The following ACAP2 variants were observed in gnomAD, a reference collection of about 807,000 sequenced individuals.
ACAP2 encodes ArfGAP with coiled-coil, ankyrin repeat and PH domains 2, also known as arf-GAP with coiled-coil, ANK repeat and PH domain-containing protein 2.
A neutral mutation model predicts 115.8 loss-of-function variants in ACAP2; 39 were observed. The observed-to-expected ratio is 0.34, with a 90% confidence interval of 0.26 to 0.44. The LOEUF (loss-of-function observed/expected upper bound fraction) is 0.44. Ranked by LOEUF, ACAP2 falls within the 20% of genes least tolerant of loss-of-function variation. The pLI is 1.00. For synonymous variants in ACAP2, 289 were observed against 315.8 expected, an observed-to-expected ratio of 0.92 and a Z score of 0.90; for missense variants, 662 against 927.6, an observed-to-expected ratio of 0.71 and a Z score of 3.72.
chr3:195,430,051 A>C (rs1714999258), intron 1 of ACAP2, among the ~76,000 whole-genome samples: 1 of 152,216 alleles, frequency 6.6e-6, no homozygotes, highest in African/African-American at 2.4e-5. Flanking sequence ...CAGGAAAGCA[A>C]CAAATTCAGG....
At chr3:195,406,396 T>C (rs956950480) in intron 1 of ACAP2, among the ~76,000 whole-genome samples, 4 of 152,208 alleles carry the variant, frequency 2.6e-5, no homozygotes, top group African/African-American at 9.6e-5. Context: ...TCCACTGATT[T>C]ACCATGGCTA....
intron 1 of ACAP2, among the ~76,000 whole-genome samples, chr3:195,398,782 G>A (rs763794901): frequency 1.3e-5 from 2 of 152,062 alleles, no homozygotes; most frequent in Non-Finnish European, 2.9e-5. Context: ...GCTCCTACGT[G>A]CTCAAATTGA....
intron 4 of ACAP2, among the ~76,000 whole-genome samples, chr3:195,376,653 A>G (rs1418473654): frequency 2.6e-5 from 4 of 151,950 alleles, no homozygotes; most frequent in Non-Finnish European, 4.4e-5. Context: ...AAATAAATAA[A>G]TTACATGATA....
rs1435507485 is a variant in ACAP2, at chr3:195,289,268, T to C, written c.2064-37A>G. The C allele has an allele frequency of 4.8e-6, 7 of 1,463,640 alleles. No homozygotes were observed. The South Asian group carries it at 7.5e-5, about 16-fold the overall frequency. The allele number at this position is 1,463,640 out of a possible 1,614,324, so 90.7% of individuals were successfully genotyped here. ...CACAGCATTTTTGAGATATTGTCGATAAGAAAAAAAAATTAGTATTCACCT... is the reference window on the plus strand; with the variant it reads ...CACAGCATTTTTGAGATATTGTCGACAAGAAAAAAAAATTAGTATTCACCT... On this transcript the variant is annotated intron_variant, in intron 20 of 22. Transcript: ENST00000326793.
Position 195,277,697 on chromosome 3 carries a change from T to A in ACAP2, c.*1631A>T, listed in dbSNP as rs1726229865. The stretch of plus-strand genomic sequence containing the variant: ...TAAAGTTTTTATATATTTTAAAACC[T>A]CTTATTTAGAAAGAGTATCAATAAT... On this transcript the variant is annotated 3_prime_UTR_variant, in exon 23 of 23. Coordinates refer to ENST00000326793, the MANE Select transcript of ACAP2 (RefSeq NM_012287.6). 5 of 152,334 alleles carry A rather than the reference T, an allele frequency of 3.3e-5. No homozygotes were observed. The South Asian group carries it at 1.0e-3, about 32-fold the overall frequency. The allele number at this position is 152,334 out of a possible 1,614,324, so 9.4% of individuals were successfully genotyped here.
At chr3:195,336,744 CACAA>C (rs1373323911) in intron 7 of ACAP2, 184 bp downstream of exon 7, 1 of 598,666 alleles carries the variant, frequency 1.7e-6, no homozygotes, top group East Asian at 3.0e-5. Context: ...AGATGAGACA[CACAA>C]ACAACTGTAA....
chr3:195,361,500 C>G (rs1560286766), intron 4 of ACAP2, among the ~76,000 whole-genome samples: 2 of 151,048 alleles, frequency 1.3e-5, no homozygotes, highest in African/African-American at 4.9e-5. Flanking sequence ...CACAACAAAC[C>G]GAAGCCTATG....
intron 2 of ACAP2, among the ~76,000 whole-genome samples, chr3:195,386,195 G>A (rs917106881): frequency 1.3e-5 from 2 of 152,102 alleles, no homozygotes; most frequent in East Asian, 3.9e-4. Flanking sequence ...GCAAATCCAG[G>A]GACAGAAAGT....
At chr3:195,367,105 G>A (rs1181006217) in intron 4 of ACAP2, among the ~76,000 whole-genome samples, 2 of 150,688 alleles carry the variant, frequency 1.3e-5, no homozygotes, top group African/African-American at 4.9e-5. Context: ...GCAACGCATG[G>A]TTTGCCAAAC....
At chr3:195,434,130 T>G (rs1407973508) in intron 1 of ACAP2, among the ~76,000 whole-genome samples, 1 of 152,202 alleles carries the variant, frequency 6.6e-6, no homozygotes, top group Non-Finnish European at 1.5e-5. Context: ...GGTCTCACTA[T>G]GTTGCCCAGA....
chr3:195,318,926 T>TC (rs1489401554), intron 10 of ACAP2, among the ~76,000 whole-genome samples: 1 of 152,152 alleles, frequency 6.6e-6, no homozygotes, highest in Non-Finnish European at 1.5e-5. Flanking sequence ...AGGCAGCCCC[T>TC]CCCATGACAG....
At chr3:195,416,432 CAA>C (rs1387902004) in intron 1 of ACAP2, among the ~76,000 whole-genome samples, 1 of 151,502 alleles carries the variant, frequency 6.6e-6, no homozygotes, top group Non-Finnish European at 1.5e-5. Flanking sequence ...ATCAGATTAG[CAA>C]AAGTTTTAAA....
chr3:195,291,171 T>A (rs949077513), intron 20 of ACAP2, among the ~76,000 whole-genome samples: 1 of 152,232 alleles, frequency 6.6e-6, no homozygotes, highest in Non-Finnish European at 1.5e-5. Context: ...CATGTATACT[T>A]CCTAATAATA....
chr3:195,329,354 A>G (rs1577309867), intron 8 of ACAP2, among the ~76,000 whole-genome samples: 1 of 152,246 alleles, frequency 6.6e-6, no homozygotes, highest in East Asian at 1.9e-4. Context: ...CAATGTTAAT[A>G]GGTTCCTATA....
intron 4 of ACAP2, chr3:195,349,786 G>T (rs1028681093): frequency 6.2e-6 from 2 of 321,836 alleles, no homozygotes; most frequent in Non-Finnish European, 1.2e-5. Flanking sequence ...TGGCCCTCAG[G>T]CACTCAAAGA....
chr3:195,276,522 TCTAA>T lies in ACAP2; in HGVS notation c.*2802_*2805del, dbSNP rs1305179384. The T allele has an allele frequency of 1.3e-5, 2 of 152,328 alleles. No homozygotes were observed. The highest frequency in any genetic ancestry group is 4.8e-5 in the African/African-American group (2 of 41,586). 9.4% of individuals were successfully genotyped at this position (152,328 alleles called of 1,614,324 possible). A position where few individuals can be genotyped will look rare whatever the true frequency, so the allele number is the denominator to read the frequency against. On this transcript the variant is annotated 3_prime_UTR_variant, in exon 23 of 23. Transcript: ENST00000326793. ...GCTGCTATTCTTATTTTGATATTAA[TCTAA>T]CTTTCAAGTTAGTAAGCTAATGATA...
intron 17 of ACAP2, 184 bp downstream of exon 17, chr3:195,295,524 A>C: frequency 1.4e-6 from 1 of 691,346 alleles, no homozygotes; most frequent in Non-Finnish European, 2.4e-6. Context: ...GAAAGGTGAA[A>C]TATTATGGCA....
chr3:195,438,734 T>C (rs902234480), intron 1 of ACAP2, among the ~76,000 whole-genome samples: 1 of 151,842 alleles, frequency 6.6e-6, no homozygotes, highest in Non-Finnish European at 1.5e-5. Context: ...AACACCCTTT[T>C]TAAAAAAAAA....
intron 10 of ACAP2, 110 bp downstream of exon 10, chr3:195,320,591 T>C (rs1239161395): frequency 1.2e-5 from 8 of 661,878 alleles, no homozygotes; most frequent in Non-Finnish European, 2.0e-5. Flanking sequence ...AAAGTTTCTA[T>C]GGAATTTACA....
Sources: gnomAD v4.1 joint callset for allele counts (sites outside exome capture counted in the v4.1 genomes callset) on GRCh38, gnomAD v4.1.1 for gene constraint, MANE v1.5 for transcripts, NCBI Gene and HGNC (gene_info 2026-07-23, HGNC 2026-07-21) for gene names.